The following SCEL variants were observed in gnomAD, a reference collection of about 807,000 sequenced individuals.
The protein encoded by SCEL is sciellin.
A neutral mutation model predicts 117.6 loss-of-function variants in SCEL; 113 were observed. The observed-to-expected ratio is 0.96, with a 90% CI of 0.83 to 1.12. The LOEUF (loss-of-function observed/expected upper bound fraction) is 1.12, where lower values mean the gene tolerates loss of function less well. Among genes scored for constraint, SCEL ranks in the 50% most tolerant of loss-of-function variants. SCEL has a pLI of 0.00. For missense variants in SCEL, 785 were observed against 810.8 expected (o/e 0.97, Z 0.39); for synonymous variants, 270 against 256.2 (o/e 1.05, Z -0.51).
rs189098344 is a variant in SCEL at position 77,629,939 on chromosome 13, T to A, written c.1691+1930T>A. Among the ~76,000 whole-genome samples, 115 of 152,336 alleles carry A rather than the reference T, an allele frequency of 7.5e-4. 1 individual carries two copies. Among genetic ancestry groups the A allele is most frequent in the African/African-American group, 2.5e-3 (104 of 41,594 alleles). On this transcript the variant is annotated intron_variant, in intron 28 of 32. Coordinates refer to ENST00000349847, the MANE Select transcript of SCEL (RefSeq NM_144777.3). Reference sequence around the variant, plus strand: ...GAATTCTTCTGGATTGGGGGTCTTATGACCTACAGTCAAGCAAGGGATGTC... The same window carrying A: ...GAATTCTTCTGGATTGGGGGTCTTAAGACCTACAGTCAAGCAAGGGATGTC...
Position 77,604,433 on chromosome 13 carries a change from C to A in SCEL, c.1157+18C>A, listed in dbSNP as rs1235970171. 19 of 1,553,100 alleles carry A rather than the reference C, an allele frequency of 1.2e-5. No homozygotes were observed. The highest frequency in any genetic ancestry group is 1.6e-5 in the Non-Finnish European group (18 of 1,155,610). ...ATTACGAGGTAAGACATTTAAAGCTCCCCCCTCCCCTTTGTTTGGCATTTA... is the reference window on the plus strand; with the variant it reads ...ATTACGAGGTAAGACATTTAAAGCTACCCCCTCCCCTTTGTTTGGCATTTA... On this transcript the variant is annotated intron_variant, in intron 19 of 32. Coordinates refer to ENST00000349847, the MANE Select transcript of SCEL (RefSeq NM_144777.3).
intron 13 of SCEL, 78 bp from the exon 14 acceptor site, chr13:77,599,251 A>G: frequency 4.1e-6 from 4 of 983,888 alleles, no homozygotes; most frequent in South Asian, 3.1e-5. Context: ...TCTTAGATGT[A>G]AACTGGTCTA....
At chr13:77,554,181 G>A (rs960627507) in intron 1 of SCEL, among the ~76,000 whole-genome samples, 2 of 152,126 alleles carry the variant, frequency 1.3e-5, no homozygotes, top group East Asian at 1.9e-4. Context: ...AACTACAGCC[G>A]GATCCCAGCT....
At chr13:77,548,648 G>A (rs1185912803) in intron 1 of SCEL, among the ~76,000 whole-genome samples, 2 of 152,216 alleles carry the variant, frequency 1.3e-5, no homozygotes, top group Admixed American at 1.3e-4. Context: ...GGGACCTGGT[G>A]GGAGGTAATT....
At chr13:77,622,791 G>A (rs1455269700) in intron 27 of SCEL, among the ~76,000 whole-genome samples, 1 of 152,182 alleles carries the variant, frequency 6.6e-6, no homozygotes, top group Non-Finnish European at 1.5e-5. Flanking sequence ...GAGTCCAGGA[G>A]TTCGAGACTG....
At chr13:77,612,809 T>A (rs1258286212) in intron 22 of SCEL, 82 bp from the exon 23 acceptor site, 1 of 759,134 alleles carries the variant, frequency 1.3e-6, no homozygotes. Flanking sequence ...TAGCAGGTCA[T>A]TTGATTAATA....
chr13:77,569,300 G>T, intron 7 of SCEL, 71 bp from the exon 8 acceptor site: 1 of 1,220,666 alleles, frequency 8.2e-7, no homozygotes, highest in Non-Finnish European at 1.2e-6. Flanking sequence ...TAGAATTTAA[G>T]ACTTTTCAAA....
rs752577818 is a variant in SCEL at position 77,591,418 on chromosome 13, G to A, written c.650G>A (p.Gly217Asp). 6.3e-7 allele frequency: 1 copy of A among 1,588,722 alleles called. No homozygotes were observed. The highest frequency in any genetic ancestry group is 8.6e-7 in the Non-Finnish European group (1 of 1,158,380). ...AGGCAGATACATCCACCTAAACCAG[G>A]TGTATATACAGAAACCAACAGATCT... ...DNRQIHPPKP[G>D]VYTETNRSAE... The change falls in exon 11 of 33, where the codon GGT becomes GAT. Residue 217 changes from glycine to aspartate, a missense_variant. By Grantham distance (94) the Gly-to-Asp change is moderately conservative. Coordinates refer to ENST00000349847, the MANE Select transcript of SCEL (RefSeq NM_144777.3).
chr13:77,552,711 T>A (rs2084407876), intron 1 of SCEL, among the ~76,000 whole-genome samples: 1 of 152,354 alleles, frequency 6.6e-6, no homozygotes. Flanking sequence ...AGATCCCATT[T>A]GTCAATTTTG....
chr13:77,535,986 C>T (rs988601668), intron 1 of SCEL, among the ~76,000 whole-genome samples, 162 bp downstream of exon 1: 6 of 152,068 alleles, frequency 3.9e-5, no homozygotes, highest in African/African-American at 1.4e-4. Context: ...TCTGCTCTTC[C>T]TTGCTGTACT....
At chr13:77,600,439 T>A (rs1471991296) in intron 15 of SCEL, among the ~76,000 whole-genome samples, 1 of 152,144 alleles carries the variant, frequency 6.6e-6, no homozygotes, top group Non-Finnish European at 1.5e-5. Context: ...ACCACTGAAG[T>A]CTTTAGAGTG....
Position 77,644,269 on chromosome 13 carries a change from C to A in SCEL, c.2062C>A (p.Pro688Thr), listed in dbSNP as rs2090695355. Residue 688 changes from proline (P) to threonine (T), a missense_variant, in exon 33 of 33, where the codon CCA (proline) becomes ACA (threonine). Coordinates refer to ENST00000349847, the MANE Select transcript of SCEL (RefSeq NM_144777.3). ...CYSKIMAKWI[P>T] is the part of the protein sequence containing the mutation. ...CTTTTAATTTGCAGCAAAGTGGATT[C>A]CATAACTCTGGCACAAGGAAATCAA... The A allele has an allele frequency of 6.2e-7, 1 of 1,612,822 alleles. No homozygotes were observed. Among genetic ancestry groups the A allele is most frequent in the South Asian group, 1.1e-5 (1 of 90,968 alleles).
At chr13:77,635,630 C>T (rs905209503) in intron 29 of SCEL, among the ~76,000 whole-genome samples, 2 of 152,150 alleles carry the variant, frequency 1.3e-5, no homozygotes, top group Admixed American at 6.5e-5. Context: ...TGCTAAACAT[C>T]GTACTCGAGA....
In SCEL at chr13:77,602,053, A is replaced by G. The variant is rs1594085352; in HGVS notation, c.918-12A>G. ...TCTCTCTTTCTCTTTCTTTTCCCCCAATGTTGTAAAGAATCCAAAGCCTTG... is the reference window on the plus strand; with the variant it reads ...TCTCTCTTTCTCTTTCTTTTCCCCCGATGTTGTAAAGAATCCAAAGCCTTG... On this transcript the variant is annotated splice_polypyrimidine_tract_variant and intron_variant, in intron 15 of 32. Transcript: ENST00000349847. 1.2e-6 allele frequency: 2 copies of G among 1,600,058 alleles called. No homozygotes were observed. The highest frequency in any genetic ancestry group is 1.7e-6 in the Non-Finnish European group (2 of 1,175,056).
intron 11 of SCEL, among the ~76,000 whole-genome samples, chr13:77,593,289 T>TGCGCGC (rs1567391679): frequency 9.1e-6 from 1 of 109,892 alleles, no homozygotes; most frequent in African/African-American, 3.9e-5. Context: ...TGTGTGTGTG[T>TGCGCGC]GTGTGTGTCT....
chr13:77,642,536 G>A (rs1351711220), intron 31 of SCEL, among the ~76,000 whole-genome samples, 170 bp from the exon 32 acceptor site: 1 of 151,974 alleles, frequency 6.6e-6, no homozygotes, highest in Non-Finnish European at 1.5e-5. Context: ...CTTGTCCTTG[G>A]CATAAACAAT....
chr13:77,594,810 A>G (rs1323285180), intron 12 of SCEL, among the ~76,000 whole-genome samples: 1 of 152,232 alleles, frequency 6.6e-6, no homozygotes, highest in African/African-American at 2.4e-5. Context: ...TAGTAATGCT[A>G]AGAGTGTTGT....
chr13:77,562,257 G>A (rs17067931), intron 4 of SCEL, among the ~76,000 whole-genome samples: 15,700 of 152,166 alleles, frequency 0.1, 1,348 homozygotes, highest in East Asian at 0.44. Context: ...CGGCCACCTA[G>A]AGACATAGTG....
In SCEL at chr13:77,607,709, G is replaced by A. The variant is rs546044963; in HGVS notation, c.1158-347G>A. On this transcript the variant is annotated intron_variant, in intron 19 of 32. Transcript: ENST00000349847. The stretch of plus-strand genomic sequence containing the variant: ...CCTTCTGGAATGCTTCATGAAACAA[G>A]TATATAGACTAAGTTACAAAAATGT... 1.4e-4 allele frequency among the ~76,000 whole-genome samples: 22 copies of A among 152,288 alleles called. 1 individual carries two copies. Among genetic ancestry groups the A allele is most frequent in the African/African-American group, 5.1e-4 (21 of 41,570 alleles).
Sources: gnomAD v4.1 joint callset for allele counts (sites outside exome capture counted in the v4.1 genomes callset) on GRCh38, gnomAD v4.1.1 for gene constraint, MANE v1.5 for transcripts, NCBI Gene and HGNC (gene_info 2026-07-23, HGNC 2026-07-21) for gene names.